LGI1: variants seen among roughly 807,000 people sequenced by gnomAD.
The protein encoded by LGI1 is leucine-rich glioma-inactivated protein 1.
LGI1 carries 11 observed loss-of-function variants against 57.7 expected under a neutral mutation model. That is an observed-to-expected ratio of 0.19 (90% confidence interval 0.12 to 0.32). The LOEUF is 0.32. Ranked by LOEUF, LGI1 falls within the 10% of genes least tolerant of loss-of-function variation. LGI1 has a pLI of 1.00. For missense variants in LGI1, 422 were observed against 661.9 expected (o/e 0.64, Z 3.98); for synonymous variants, 222 against 241.9 (o/e 0.92, Z 0.76).
chr10:93,796,678 GAAGT>G (rs1381093870), intron 7 of LGI1, among the ~76,000 whole-genome samples: 1 of 152,216 alleles, frequency 6.6e-6, no homozygotes, highest in East Asian at 1.9e-4. Flanking sequence ...CTTTCTGCAA[GAAGT>G]AAGAGGAGAA....
chr10:93,769,693 G>A (rs1189945201), intron 2 of LGI1: 1 of 152,226 alleles, frequency 6.6e-6, no homozygotes, highest in African/African-American at 2.4e-5. Context: ...ATAACTGGCA[G>A]TTACAAGCTT....
chr10:93,771,141 G>T (rs1437224410), intron 2 of LGI1: 1 of 152,122 alleles, frequency 6.6e-6, no homozygotes, highest in Admixed American at 6.5e-5. Context: ...ACTCAAATAG[G>T]GGAGATTCTG....
At chr10:93,771,925 A>G (rs1227350253) in intron 2 of LGI1, 1 of 150,878 alleles carries the variant, frequency 6.6e-6, no homozygotes, top group East Asian at 1.9e-4. Context: ...TGGTGAGCCG[A>G]GATCGTGCCA....
At position 93,758,481 on chromosome 10, in the gene LGI1, C is replaced by T; in HGVS notation, c.215+122C>T. On this transcript the variant is annotated intron_variant, in intron 1 of 7. Coordinates refer to ENST00000371418, the MANE Select transcript of LGI1 (RefSeq NM_005097.4). The surrounding 1 kb of genome is among the most constrained non-coding windows in gnomAD (Gnocchi z 4.7). ...GAGAGATTCCTCTTGCATGCTTGGC[C>T]ATTTGACAGTGCTAACATTTGCTGC... The T allele has an allele frequency of 1.9e-6, 2 of 1,027,844 alleles. No homozygotes were observed. The highest frequency in any genetic ancestry group is 3.5e-5 in the Admixed American group (2 of 56,452). 63.7% of individuals were successfully genotyped at this position (1,027,844 alleles called of 1,614,324 possible). A position where few individuals can be genotyped will look rare whatever the true frequency, so the allele number is the denominator to read the frequency against.
chr10:93,790,363 G>A (rs2134018291), intron 5 of LGI1, 193 bp downstream of exon 5: 1 of 581,446 alleles, frequency 1.7e-6, no homozygotes, highest in East Asian at 2.9e-5. Flanking sequence ...TTATCATTGG[G>A]AATTCTGAAT....
intron 2 of LGI1, among the ~76,000 whole-genome samples, chr10:93,772,506 A>C (rs2059751255): frequency 6.6e-6 from 1 of 152,174 alleles, no homozygotes; most frequent in African/African-American, 2.4e-5. Context: ...ATAATACAAA[A>C]CTTACTCATC....
At position 93,757,997 on chromosome 10, in the gene LGI1, A is replaced by C; in HGVS notation, c.-148A>C. On this transcript the variant is annotated 5_prime_UTR_variant, in exon 1 of 8. Coordinates refer to ENST00000371418, the MANE Select transcript of LGI1 (RefSeq NM_005097.4). ...TTGCTGGAGCGAGGAGAAGCTCACGAATCAGCTGCAGGTCTCTGTTTTGAA... is the reference window on the plus strand; with the variant it reads ...TTGCTGGAGCGAGGAGAAGCTCACGCATCAGCTGCAGGTCTCTGTTTTGAA... 1.4e-6 allele frequency: 1 copy of C among 733,734 alleles called. No individual in the cohort carries two copies. The highest frequency in any genetic ancestry group is 2.7e-5 in the East Asian group (1 of 37,268). The allele number at this position is 733,734 out of a possible 1,614,324, so 45.5% of individuals were successfully genotyped here. A position where few individuals can be genotyped will look rare whatever the true frequency, so the allele number is the denominator to read the frequency against.
At chr10:93,768,964 G>A (rs1460809443) in intron 2 of LGI1, 1 of 152,214 alleles carries the variant, frequency 6.6e-6, no homozygotes, top group Non-Finnish European at 1.5e-5. Context: ...TCAAGGTTGA[G>A]AGTCAAAAAG....
chr10:93,768,257 G>A (rs1392899908), intron 2 of LGI1: 2 of 152,188 alleles, frequency 1.3e-5, no homozygotes, highest in African/African-American at 4.8e-5. Context: ...CTAAAAAGAG[G>A]GAGCTGGCTT....
chr10:93,764,834 T>A (rs2059657725), intron 2 of LGI1: 1 of 152,240 alleles, frequency 6.6e-6, no homozygotes, highest in Non-Finnish European at 1.5e-5. Flanking sequence ...GGAACTACCA[T>A]AACATCAGAT....
chr10:93,778,373 ACACACACACAG>A (rs2059813949), intron 4 of LGI1, among the ~76,000 whole-genome samples: 1 of 119,354 alleles, frequency 8.4e-6, no homozygotes, highest in Non-Finnish European at 1.9e-5. Flanking sequence ...ACACACACAC[ACACACACACAG>A]GCACACATGT....
chr10:93,775,378 C>G (rs928111131), intron 2 of LGI1, among the ~76,000 whole-genome samples: 2 of 152,176 alleles, frequency 1.3e-5, no homozygotes, highest in Non-Finnish European at 2.9e-5. Flanking sequence ...TTTGCATATG[C>G]ATTTGTAGTT....
chr10:93,773,880 C>T (rs967476287), intron 2 of LGI1, among the ~76,000 whole-genome samples: 2 of 152,172 alleles, frequency 1.3e-5, no homozygotes, highest in Admixed American at 1.3e-4. Context: ...AACCTCTGCA[C>T]AAACCCACGG....
At chr10:93,791,341 A>T (rs2059936867) in intron 5 of LGI1, 1 of 151,882 alleles carries the variant, frequency 6.6e-6, no homozygotes, top group South Asian at 2.1e-4. Context: ...GTTAGAACAC[A>T]CTCCATGGGT....
chr10:93,773,532 G>T (rs2133995759), intron 2 of LGI1, among the ~76,000 whole-genome samples: 1 of 152,292 alleles, frequency 6.6e-6, no homozygotes, highest in East Asian at 1.9e-4. Context: ...AGGCTATTAT[G>T]AAGCCAAAGA....
intron 2 of LGI1, chr10:93,765,324 G>A (rs996980105): frequency 6.6e-6 from 1 of 152,180 alleles, no homozygotes; most frequent in African/African-American, 2.4e-5. Context: ...AAATGCTAGT[G>A]GGGTTTGGGG....
At chr10:93,775,837 G>A (rs1054078341) in intron 2 of LGI1, 1 of 152,154 alleles carries the variant, frequency 6.6e-6, no homozygotes, top group African/African-American at 2.4e-5. Context: ...AGTGAGTGTG[G>A]GAGGTATAAT....
chr10:93,770,208 C>T (rs2059720802), intron 2 of LGI1: 1 of 152,250 alleles, frequency 6.6e-6, no homozygotes, highest in Non-Finnish European at 1.5e-5. Context: ...AGTCTAGTCT[C>T]CTCGCTTTAC....
Position 93,758,499 on chromosome 10 carries a change from T to A in LGI1, c.215+140T>A. The A allele has an allele frequency of 3.3e-6, 3 of 905,542 alleles. No individual in the cohort carries two copies. In the South Asian group the frequency reaches 4.2e-5, roughly 13 times the overall value. 56.1% of individuals were successfully genotyped at this position (905,542 alleles called of 1,614,324 possible). ...GCTTGGCCATTTGACAGTGCTAACATTTGCTGCATTTAGAATTTTTGATTT... is the reference window on the plus strand; with the variant it reads ...GCTTGGCCATTTGACAGTGCTAACAATTGCTGCATTTAGAATTTTTGATTT... On this transcript the variant is annotated intron_variant, in intron 1 of 7. Coordinates refer to ENST00000371418, the MANE Select transcript of LGI1 (RefSeq NM_005097.4). This position sits in a 1 kb window ranked among gnomAD's most constrained non-coding sequence, Gnocchi z 4.7.
Sources: allele counts gnomAD v4.1 joint callset (sites outside exome capture counted in the v4.1 genomes callset), GRCh38; gene constraint gnomAD v4.1.1; non-coding constraint Gnocchi (gnomAD v3.1); transcripts MANE v1.5; gene names NCBI Gene and HGNC (gene_info 2026-07-23, HGNC 2026-07-21).